Variants in APBA1 observed in about 807,000 individuals in gnomAD.
The protein encoded by APBA1 is amyloid-beta A4 precursor protein-binding family A member 1.
A neutral mutation model predicts 86.6 loss-of-function variants in APBA1; 55 were observed. That is an observed-to-expected ratio of 0.64 (90% confidence interval 0.51 to 0.80). APBA1 has a LOEUF of 0.80. Ranked by LOEUF, APBA1 falls within the 30% of genes least tolerant of loss-of-function variation. The probability of loss-of-function intolerance (pLI) is 0.00; values close to 1 mark genes in which losing one functional copy is unlikely to be tolerated. For missense variants in APBA1, 1,090 were observed against 1,183.0 expected, an observed-to-expected ratio of 0.92 and a Z score of 1.15; for synonymous variants, 511 against 493.9, an observed-to-expected ratio of 1.03 and a Z score of -0.46.
In APBA1 at chr9:69,431,172, G is replaced by T; in HGVS notation, c.*155C>A. The stretch of plus-strand genomic sequence containing the variant: ...AAAAAAAAAAAAAAAGCAAATCGGA[G>T]AGAGTAAAGAGGTCCTTGTGGATTC... On this transcript the variant is annotated 3_prime_UTR_variant, in exon 13 of 13. Coordinates refer to ENST00000265381, the MANE Select transcript of APBA1 (RefSeq NM_001163.4). 7 of 483,460 alleles carry T rather than the reference G, an allele frequency of 1.4e-5. No individual in the cohort carries two copies. Among genetic ancestry groups the T allele is most frequent in the Non-Finnish European group, 2.6e-5 (7 of 272,006 alleles). 29.9% of individuals were successfully genotyped at this position (483,460 alleles called of 1,614,324 possible). A position where few individuals can be genotyped will look rare whatever the true frequency, so the allele number is the denominator to read the frequency against.
rs202185776 is a variant in APBA1, at chr9:69,658,304, CTCTTTCTT to C, written c.-70+13841_-70+13848del. ...TCTTTCTCTCTCTCTTTCTCTCTCT[CTCTTTCTT>C]TCTTTCTTTCTTTCTTTCTTTCTTT... is the stretch of plus-strand genomic sequence containing the variant. On this transcript the variant is annotated intron_variant, in intron 1 of 12. Coordinates refer to ENST00000265381, the MANE Select transcript of APBA1 (RefSeq NM_001163.4). 7.4e-3 allele frequency among the ~76,000 whole-genome samples: 593 copies of C among 79,948 alleles called. 11 individuals carry two copies. The highest frequency in any genetic ancestry group is 0.025 in the African/African-American group (523 of 20,842). 52.4% of individuals were successfully genotyped at this position (79,948 alleles called of 152,430 possible).
intron 1 of APBA1, among the ~76,000 whole-genome samples, chr9:69,634,480 C>T (rs1412909035): frequency 6.6e-6 from 1 of 152,122 alleles, no homozygotes; most frequent in Non-Finnish European, 1.5e-5. Context: ...ATCTGGAAAA[C>T]AAGCTCAGAA....
chr9:69,440,899 C>T (rs1027689331), intron 11 of APBA1, 97 bp downstream of exon 11: 33 of 1,440,996 alleles, frequency 2.3e-5, no homozygotes, highest in Non-Finnish European at 3.1e-5. Flanking sequence ...TAGACTGGAG[C>T]TGTTCCTATT....
At chr9:69,444,791 G>A (rs753572333) in intron 10 of APBA1, among the ~76,000 whole-genome samples, 6 of 152,092 alleles carry the variant, frequency 3.9e-5, no homozygotes, top group African/African-American at 9.7e-5. Context: ...AAATATTTAC[G>A]AATCACTTGT....
At position 69,458,188 on chromosome 9, in the gene APBA1, T is replaced by C. The variant is rs1198114917; in HGVS notation, c.1483A>G (p.Met495Val). ...CTGCTTTTGGCTAATTTCTGGGCCATCTGCTTAGCATGGAACAAACAGAGA... is the reference window on the plus strand; with the variant it reads ...CTGCTTTTGGCTAATTTCTGGGCCACCTGCTTAGCATGGAACAAACAGAGA... ...QAQEAVSRIK[M>V]AQKLAKSRKK... Residue 495 changes from methionine (M) to valine (V), a missense_variant and splice_region_variant, in exon 6 of 13, where the codon ATG (methionine) becomes GTG (valine). Transcript: ENST00000265381. 6.2e-7 allele frequency: 1 copy of C among 1,611,940 alleles called. No homozygotes were observed. Among genetic ancestry groups the C allele is most frequent in the Non-Finnish European group, 8.5e-7 (1 of 1,179,442 alleles).
At chr9:69,632,854 C>CCAAGCCCAA (rs1823076399) in intron 1 of APBA1, among the ~76,000 whole-genome samples, 1 of 152,164 alleles carries the variant, frequency 6.6e-6, no homozygotes, top group African/African-American at 2.4e-5. Context: ...GAATGATATT[C>CCAAGCCCAA]TGTATCATTG....
At chr9:69,578,859 T>C (rs1821858739) in intron 1 of APBA1, among the ~76,000 whole-genome samples, 1 of 152,226 alleles carries the variant, frequency 6.6e-6, no homozygotes, top group Admixed American at 6.5e-5. Context: ...ACAGTGACTC[T>C]GCCTTTGTGG....
In APBA1 at chr9:69,449,724, G is replaced by A; in HGVS notation, c.2041C>T (p.Pro681Ser). The A allele has an allele frequency of 6.2e-7, 1 of 1,614,028 alleles. No individual in the cohort carries two copies. Among genetic ancestry groups the A allele is most frequent in the Non-Finnish European group, 8.5e-7 (1 of 1,180,012 alleles). The change falls in exon 10 of 13, where the codon CCC (proline) becomes TCC (serine). Residue 681 changes from proline to serine, a missense_variant. Pro to Ser is a moderately conservative substitution (Grantham distance 74). Around this residue, in one of 6 missense-constraint regions of APBA1, gnomAD observed 97 missense variants for 166.8 expected, o/e 0.58. Transcript: ENST00000265381. ...IVESGWGSIL[P>S]TVIIANMMHG... is the part of the protein sequence containing the mutation. ...ATCATGTTGGCAATGATCACGGTGGGGAGGATGGATCCCCAGCCAGACTCC... is the reference window on the plus strand; with the variant it reads ...ATCATGTTGGCAATGATCACGGTGGAGAGGATGGATCCCCAGCCAGACTCC...
chr9:69,627,399 A>G (rs12338779), intron 1 of APBA1, among the ~76,000 whole-genome samples: 1,781 of 152,208 alleles, frequency 0.012, 20 homozygotes, highest in African/African-American at 0.035. Flanking sequence ...ATCCTCCCCC[A>G]GCTGGCTTGC....
At chr9:69,494,451 C>T (rs1021482641) in intron 2 of APBA1, 1 of 151,968 alleles carries the variant, frequency 6.6e-6, no homozygotes, top group African/African-American at 2.4e-5. Flanking sequence ...TTCTCACCAT[C>T]AAAAAGCTTC....
chr9:69,648,358 C>T lies in APBA1; in HGVS notation c.-70+23795G>A, dbSNP rs532042441. ...ACCCTGATACACGGAAAGCACTGGG[C>T]ACAGAAGTAACTTTCCCATTGAATC... On this transcript the variant is annotated intron_variant, in intron 1 of 12. Coordinates refer to ENST00000265381, the MANE Select transcript of APBA1 (RefSeq NM_001163.4). Among the ~76,000 whole-genome samples the T allele has an allele frequency of 2.0e-5, 3 of 152,318 alleles. No homozygotes were observed. In the South Asian group the frequency reaches 6.2e-4, roughly 32 times the overall value.
At chr9:69,554,725 T>G (rs960787442) in intron 1 of APBA1, among the ~76,000 whole-genome samples, 4 of 152,144 alleles carry the variant, frequency 2.6e-5, no homozygotes, top group Non-Finnish European at 5.9e-5. Context: ...AATGAGAGAT[T>G]TTGCTACTGC....
Position 69,671,993 on chromosome 9 carries a change from T to C in APBA1, c.-70+160A>G, listed in dbSNP as rs1823959493. Among the ~76,000 whole-genome samples the C allele has an allele frequency of 2.0e-5, 3 of 152,186 alleles. No homozygotes were observed. In the South Asian group the frequency reaches 6.2e-4, roughly 31 times the overall value. On this transcript the variant is annotated intron_variant, in intron 1 of 12. Transcript: ENST00000265381. ...CTCGCTAGCTGATGGTTCCAGGCAC[T>C]GCCTCCTGGATGTCGCCTGCTGCCT...
Position 69,467,988 on chromosome 9 carries a change from AG to A in APBA1, c.1337-21del, listed in dbSNP as rs751646782. 1.7e-5 allele frequency: 27 copies of A among 1,611,256 alleles called. No homozygotes were observed. Among genetic ancestry groups the A allele is most frequent in the Non-Finnish European group, 2.3e-5 (27 of 1,177,742 alleles). ...CCGGAACTGTAACACATAGAGCCAC[AG>A]TGAGGAAGCCATCCTGGGGTGGGGC... On this transcript the variant is annotated intron_variant, in intron 4 of 12. Coordinates refer to ENST00000265381, the MANE Select transcript of APBA1 (RefSeq NM_001163.4).
intron 1 of APBA1, among the ~76,000 whole-genome samples, chr9:69,662,344 T>C (rs1215297829): frequency 1.3e-5 from 2 of 152,216 alleles, no homozygotes; most frequent in African/African-American, 2.4e-5. Context: ...CTGTGTACAG[T>C]ACTTAGCGCA....
At chr9:69,593,659 G>A (rs1822174997) in intron 1 of APBA1, among the ~76,000 whole-genome samples, 1 of 152,190 alleles carries the variant, frequency 6.6e-6, no homozygotes, top group African/African-American at 2.4e-5. Flanking sequence ...CAATGAAGCA[G>A]AAAACAAAGC....
At position 69,499,688 on chromosome 9, in the gene APBA1, C is replaced by T. The variant is rs892705359; in HGVS notation, c.1200+16323G>A. Among the ~76,000 whole-genome samples, 4 of 150,404 alleles carry T rather than the reference C, an allele frequency of 2.7e-5. 1 individual carries two copies. Among genetic ancestry groups the T allele is most frequent in the East Asian group, 3.9e-4 (2 of 5,128 alleles). On this transcript the variant is annotated intron_variant, in intron 2 of 12. Coordinates refer to ENST00000265381, the MANE Select transcript of APBA1 (RefSeq NM_001163.4). The stretch of plus-strand genomic sequence containing the variant: ...GTCCAAAAAAAAAAAAAATCCATGT[C>T]GGTGGCATGCTGAATTCAGGGCAGG...
rs150475894 is a variant in APBA1, at chr9:69,503,302, T to C, written c.1200+12709A>G. Reference sequence around the variant, plus strand: ...AAGTCAAACGATATCATGCAGTTTATGGCAAAAATTGAAGTCTTCCCTGTC... The same window carrying C: ...AAGTCAAACGATATCATGCAGTTTACGGCAAAAATTGAAGTCTTCCCTGTC... On this transcript the variant is annotated intron_variant, in intron 2 of 12. Transcript: ENST00000265381. Among the ~76,000 whole-genome samples, 340 of 152,256 alleles carry C rather than the reference T, an allele frequency of 2.2e-3. 1 individual carries two copies. The highest frequency in any genetic ancestry group is 3.7e-3 in the South Asian group (18 of 4,826).
chr9:69,587,186 T>C (rs1822038087), intron 1 of APBA1, among the ~76,000 whole-genome samples: 1 of 152,166 alleles, frequency 6.6e-6, no homozygotes, highest in Non-Finnish European at 1.5e-5. Flanking sequence ...TGCCTCCCCA[T>C]CCTCCAAATT....
Sources: gnomAD v4.1 joint callset for allele counts (sites outside exome capture counted in the v4.1 genomes callset) on GRCh38, gnomAD v4.1.1 for gene constraint, gnomAD v4.1.1 regional missense constraint, MANE v1.5 for transcripts, NCBI Gene and HGNC (gene_info 2026-07-23, HGNC 2026-07-21) for gene names.